The following WDPCP variants were observed in gnomAD, a reference collection of about 807,000 sequenced individuals.
The protein encoded by WDPCP is WD repeat containing planar cell polarity effector.
A neutral mutation model predicts 93.1 loss-of-function variants in WDPCP; 71 were observed. The ratio of observed to expected loss-of-function variants is 0.76; its 90% CI spans 0.63 to 0.93. The LOEUF (loss-of-function observed/expected upper bound fraction) is 0.93, where lower values mean the gene tolerates loss of function less well. WDPCP is among the 40% of genes least tolerant of loss of function. The pLI is 0.00. For synonymous variants in WDPCP, 315 were observed against 315.0 expected, an observed-to-expected ratio of 1.00 and a Z score of 0.00; for missense variants, 844 against 887.4, an observed-to-expected ratio of 0.95 and a Z score of 0.62.
chr2:63,346,057 G>A (rs890193045), intron 12 of WDPCP, among the ~76,000 whole-genome samples: 5 of 152,156 alleles, frequency 3.3e-5, no homozygotes, highest in Non-Finnish European at 5.9e-5. Context: ...CATGGGAGCT[G>A]GAATGGAAAA....
intron 6 of WDPCP, among the ~76,000 whole-genome samples, chr2:63,470,750 T>C (rs1699641809): frequency 6.6e-6 from 1 of 152,236 alleles, no homozygotes; most frequent in Non-Finnish European, 1.5e-5. Flanking sequence ...GCCCTCTGGA[T>C]GACCTAGAAG....
In WDPCP at chr2:63,404,275, AT is replaced by A; in HGVS notation, c.1207del (p.Ile403PhefsTer42). On this transcript the variant is annotated frameshift_variant, in exon 10 of 18. Transcript: ENST00000272321. LOFTEE classifies it high-confidence loss of function. ...LVGSNQGELQ[I>X]FDMALSPINI... ...AATAGGGGATAGAGCCATATCAAAA[AT>A]TTGCAACTCCCCTTGGTTGCTGCCA... 1 of 1,614,032 alleles carries A rather than the reference AT, an allele frequency of 6.2e-7. No individual in the cohort carries two copies. Among genetic ancestry groups the A allele is most frequent in the Non-Finnish European group, 8.5e-7 (1 of 1,179,952 alleles).
Position 63,581,468 on chromosome 2 carries a change from G to A in WDPCP, c.75+6729C>T, listed in dbSNP as rs547493659. ...GATAACAGTGCTTGGCACTCATATC[G>A]GGCTGGGAATAGTGCCTGTTCTCAC... is the stretch of plus-strand genomic sequence containing the variant. On this transcript the variant is annotated intron_variant, in intron 1 of 17. Transcript: ENST00000272321. 1.6e-4 allele frequency among the ~76,000 whole-genome samples: 25 copies of A among 152,216 alleles called. No individual in the cohort carries two copies. The East Asian group carries it at 4.5e-3, about 27-fold the overall frequency.
At chr2:63,387,090 C>G (rs1692793270) in intron 10 of WDPCP, among the ~76,000 whole-genome samples, 1 of 152,042 alleles carries the variant, frequency 6.6e-6, no homozygotes, top group Admixed American at 6.6e-5. Context: ...CCTACTGAAA[C>G]TATTCCAAAA....
chr2:63,626,464 T>C (rs1449983960), intron 3 of WDPCP, among the ~76,000 whole-genome samples: 1 of 152,060 alleles, frequency 6.6e-6, no homozygotes, highest in Non-Finnish European at 1.5e-5. Flanking sequence ...ATATTCAGAA[T>C]CTACAAAGAA....
At chr2:63,539,720 A>G (rs1174677456) in intron 1 of WDPCP, among the ~76,000 whole-genome samples, 1 of 152,116 alleles carries the variant, frequency 6.6e-6, no homozygotes, top group Non-Finnish European at 1.5e-5. Flanking sequence ...CTCAGGTAAA[A>G]CTTTGATTAT....
chr2:63,583,846 C>T (rs1708661447), intron 1 of WDPCP, among the ~76,000 whole-genome samples: 1 of 152,120 alleles, frequency 6.6e-6, no homozygotes, highest in African/African-American at 2.4e-5. Flanking sequence ...TGGTCAGTGC[C>T]TGTAGTCCCA....
intron 12 of WDPCP, among the ~76,000 whole-genome samples, chr2:63,345,687 G>A (rs907418840): frequency 6.6e-6 from 1 of 152,122 alleles, no homozygotes; most frequent in Admixed American, 6.6e-5. Flanking sequence ...CTAAAGTCAG[G>A]GAACTGCTTA....
intron 12 of WDPCP, among the ~76,000 whole-genome samples, chr2:63,355,286 A>G (rs1202590291): frequency 2.0e-5 from 3 of 152,184 alleles, no homozygotes; most frequent in African/African-American, 7.2e-5. Flanking sequence ...TTGGGCACCT[A>G]TATTCAACAT....
chr2:63,765,722 G>C (rs957472970), intron 2 of WDPCP, among the ~76,000 whole-genome samples: 1 of 152,156 alleles, frequency 6.6e-6, no homozygotes, highest in African/African-American at 2.4e-5. Context: ...CACAGCTAAG[G>C]CATGTGGTAC....
chr2:63,586,906 G>A (rs1046755148), intron 1 of WDPCP, among the ~76,000 whole-genome samples: 3 of 152,156 alleles, frequency 2.0e-5, no homozygotes, highest in Non-Finnish European at 4.4e-5. Context: ...TTAAGTTCTA[G>A]GGTACATGTG....
intron 1 of WDPCP, among the ~76,000 whole-genome samples, chr2:63,567,093 T>C (rs1309811632): frequency 6.6e-6 from 1 of 152,156 alleles, no homozygotes; most frequent in African/African-American, 2.4e-5. Flanking sequence ...AGCACTGCAA[T>C]GTGTTCACCA....
the WDPCP span, among the ~76,000 whole-genome samples, chr2:63,834,464 T>A: frequency 2.0e-5 from 3 of 152,118 alleles, no homozygotes; most frequent in Non-Finnish European, 4.4e-5. Context: ...TCAGCAGTTG[T>A]GAGAGAGGTA....
intron 1 of WDPCP, among the ~76,000 whole-genome samples, chr2:63,514,254 AT>A (rs909013082): frequency 2.0e-5 from 3 of 151,992 alleles, no homozygotes; most frequent in African/African-American, 4.8e-5. Context: ...GGCTATATGG[AT>A]TTTTTTAAGT....
intron 4 of WDPCP, among the ~76,000 whole-genome samples, chr2:63,485,563 G>T (rs1700524437): frequency 6.6e-6 from 1 of 151,712 alleles, no homozygotes; most frequent in Admixed American, 6.6e-5. Flanking sequence ...ATTTAAAACA[G>T]TTATCTTTAA....
chr2:63,184,901 C>G (rs1198418909), intron 14 of WDPCP, among the ~76,000 whole-genome samples: 1 of 151,872 alleles, frequency 6.6e-6, no homozygotes, highest in Non-Finnish European at 1.5e-5. Flanking sequence ...AATATTCATT[C>G]TATTTTATTC....
chr2:63,245,995 C>T (rs1680241295), intron 14 of WDPCP, among the ~76,000 whole-genome samples: 1 of 152,168 alleles, frequency 6.6e-6, no homozygotes, highest in Admixed American at 6.5e-5. Context: ...GATTCACTGA[C>T]GAGTTCACTA....
intron 3 of WDPCP, chr2:63,622,063 T>C (rs983672795): frequency 5.5e-6 from 5 of 908,564 alleles, no homozygotes; most frequent in African/African-American, 5.5e-5. Flanking sequence ...TTCTTTCTTT[T>C]TTCTTTTTTT....
At chr2:63,264,740 T>C (rs2104810227) in intron 13 of WDPCP, among the ~76,000 whole-genome samples, 1 of 152,328 alleles carries the variant, frequency 6.6e-6, no homozygotes, top group African/African-American at 2.4e-5. Flanking sequence ...ACAGATATTT[T>C]ACAGCATCAG....
Sources: allele counts gnomAD v4.1 joint callset (sites outside exome capture counted in the v4.1 genomes callset), GRCh38; gene constraint gnomAD v4.1.1; transcripts MANE v1.5; gene names NCBI Gene and HGNC (gene_info 2026-07-23, HGNC 2026-07-21).